The following SH3GL2 variants were observed in gnomAD, a reference collection of about 807,000 sequenced individuals.
SH3GL2 encodes endophilin-A1.
Under a neutral mutation model 46.0 loss-of-function variants are expected in SH3GL2, and 24 were observed. That is an observed-to-expected ratio of 0.52 (90% CI 0.38 to 0.73). SH3GL2 has a LOEUF of 0.73. SH3GL2 is among the 30% of genes least tolerant of loss of function. The probability of loss-of-function intolerance (pLI) is 0.00; values close to 1 mark genes in which losing one functional copy is unlikely to be tolerated. For synonymous variants in SH3GL2, 196 were observed against 147.1 expected (o/e 1.33, Z -2.40); for missense variants, 413 against 424.2 (o/e 0.97, Z 0.23).
intron 1 of SH3GL2, among the ~76,000 whole-genome samples, chr9:17,611,239 T>C (rs1259284630): frequency 1.3e-5 from 2 of 152,232 alleles, no homozygotes; most frequent in Admixed American, 6.5e-5. Context: ...TGAATAACTT[T>C]ATAGTTTTCA....
intron 1 of SH3GL2, among the ~76,000 whole-genome samples, chr9:17,616,094 A>G (rs1035780523): frequency 2.0e-5 from 3 of 152,198 alleles, no homozygotes; most frequent in Non-Finnish European, 2.9e-5. Flanking sequence ...TTACTTACCC[A>G]TTAACACTTA....
chr9:17,622,986 G>GTTCCGTTCC (rs1554631076), intron 1 of SH3GL2, among the ~76,000 whole-genome samples: 6 of 99,410 alleles, frequency 6.0e-5, no homozygotes, highest in African/African-American at 8.6e-5. Context: ...GTTTCCTTTC[G>GTTCCGTTCC]TTTCCTTTCC....
intron 7 of SH3GL2, 52 bp from the exon 8 acceptor site, chr9:17,793,315 T>C: frequency 1.3e-6 from 2 of 1,521,376 alleles, no homozygotes; most frequent in African/African-American, 2.8e-5. Flanking sequence ...GCTTTTCATT[T>C]TACTTCTTAA....
intron 1 of SH3GL2, among the ~76,000 whole-genome samples, chr9:17,676,075 A>C (rs1319892297): frequency 6.6e-6 from 1 of 152,250 alleles, no homozygotes. Flanking sequence ...GAGAGAAAGC[A>C]AAAGATTTGG....
intron 1 of SH3GL2, among the ~76,000 whole-genome samples, chr9:17,679,137 A>C (rs1820695100): frequency 6.6e-6 from 1 of 152,018 alleles, no homozygotes; most frequent in African/African-American, 2.4e-5. Context: ...TTCCATATGA[A>C]CTTTAAAGTA....
intron 1 of SH3GL2, among the ~76,000 whole-genome samples, chr9:17,740,738 C>T (rs1216652115): frequency 6.6e-6 from 1 of 151,922 alleles, no homozygotes; most frequent in Non-Finnish European, 1.5e-5. Flanking sequence ...TTTAAAATTC[C>T]ATCTTTCATT....
intron 1 of SH3GL2, among the ~76,000 whole-genome samples, chr9:17,677,921 T>C (rs1174982897): frequency 1.3e-5 from 2 of 152,156 alleles, no homozygotes; most frequent in African/African-American, 4.8e-5. Flanking sequence ...GAATGATGGT[T>C]TCCAGCTTCA....
At chr9:17,618,259 A>G (rs1213235052) in intron 1 of SH3GL2, among the ~76,000 whole-genome samples, 1 of 151,766 alleles carries the variant, frequency 6.6e-6, no homozygotes, top group African/African-American at 2.4e-5. Flanking sequence ...TGCAATGCAC[A>G]GGACAAAAAA....
intron 1 of SH3GL2, among the ~76,000 whole-genome samples, chr9:17,608,418 T>C (rs543444441): frequency 1.3e-5 from 2 of 152,232 alleles, no homozygotes; most frequent in South Asian, 2.1e-4. Context: ...AGTGTAAACT[T>C]TCCTCTTAAC....
chr9:17,604,284 C>T (rs192010451), intron 1 of SH3GL2, among the ~76,000 whole-genome samples: 4 of 152,178 alleles, frequency 2.6e-5, no homozygotes, highest in African/African-American at 7.2e-5. Context: ...GCTGCTTACT[C>T]GCCAAGTCCA....
chr9:17,736,763 G>T (rs994754001), intron 1 of SH3GL2, among the ~76,000 whole-genome samples: 9 of 152,026 alleles, frequency 5.9e-5, no homozygotes, highest in African/African-American at 2.2e-4. Context: ...TGAATGGATG[G>T]AAAAAAACTG....
At chr9:17,686,642 A>C (rs1820918393) in intron 1 of SH3GL2, among the ~76,000 whole-genome samples, 1 of 100,400 alleles carries the variant, frequency 1.0e-5, no homozygotes, top group Non-Finnish European at 1.9e-5. Flanking sequence ...CTTTGTAGGG[A>C]CATGGATGAA....
intron 1 of SH3GL2, among the ~76,000 whole-genome samples, chr9:17,581,337 C>T (rs183484047): frequency 6.6e-6 from 1 of 152,300 alleles, no homozygotes; most frequent in East Asian, 1.9e-4. Flanking sequence ...TAATGTTTAT[C>T]ACACCGAATC....
chr9:17,726,847 C>A (rs1822032902), intron 1 of SH3GL2, among the ~76,000 whole-genome samples: 2 of 152,074 alleles, frequency 1.3e-5, no homozygotes, highest in South Asian at 4.1e-4. Context: ...TGGTAAACTG[C>A]AGATAGGACT....
intron 1 of SH3GL2, among the ~76,000 whole-genome samples, chr9:17,623,018 T>C (rs1819185940): frequency 1.1e-5 from 1 of 95,138 alleles, no homozygotes; most frequent in Admixed American, 1.0e-4. Context: ...TTCCTTTCCT[T>C]TCCTTTCCTT....
chr9:17,628,703 G>A (rs535042847), intron 1 of SH3GL2, among the ~76,000 whole-genome samples: 1 of 151,962 alleles, frequency 6.6e-6, no homozygotes, highest in Admixed American at 6.6e-5. Context: ...CAACCAAAAA[G>A]TTCTGGGTAG....
At chr9:17,737,680 G>T (rs965508605) in intron 1 of SH3GL2, among the ~76,000 whole-genome samples, 1 of 152,034 alleles carries the variant, frequency 6.6e-6, no homozygotes, top group Non-Finnish European at 1.5e-5. Flanking sequence ...TTTACTTTCT[G>T]TTTTTTGGTT....
chr9:17,589,741 T>C (rs938432275), intron 1 of SH3GL2: 8 of 152,324 alleles, frequency 5.3e-5, no homozygotes, highest in African/African-American at 1.7e-4. Context: ...TACTTTGAAG[T>C]TGTTCATTAA....
intron 1 of SH3GL2, among the ~76,000 whole-genome samples, chr9:17,617,866 G>A (rs796903072): frequency 5.9e-5 from 9 of 152,196 alleles, no homozygotes; most frequent in African/African-American, 1.9e-4. Context: ...CGCGAGAGAA[G>A]GTAGGATCAG....
Sources: allele counts gnomAD v4.1 joint callset (sites outside exome capture counted in the v4.1 genomes callset), GRCh38; gene constraint gnomAD v4.1.1; transcripts MANE v1.5; gene names NCBI Gene and HGNC (gene_info 2026-07-23, HGNC 2026-07-21).